SLC35F2: variants seen among roughly 807,000 people sequenced by gnomAD.
SLC35F2 encodes queuine/queuosine transporter SLC35F2.
In SLC35F2, 25 loss-of-function variants were observed where a neutral mutation model predicts 38.1. That is an observed-to-expected ratio of 0.66 (90% CI 0.48 to 0.92). The LOEUF (loss-of-function observed/expected upper bound fraction) is 0.92, where lower values mean the gene tolerates loss of function less well. Ranked by LOEUF, SLC35F2 falls within the 40% of genes least tolerant of loss-of-function variation. SLC35F2 has a pLI of 0.00. For synonymous variants in SLC35F2, 173 were observed against 181.7 expected, an observed-to-expected ratio of 0.95 and a Z score of 0.38; for missense variants, 409 against 452.9, an observed-to-expected ratio of 0.90 and a Z score of 0.88.
chr11:107,849,871 T>A (rs1860150843), intron 1 of SLC35F2, among the ~76,000 whole-genome samples: 1 of 152,146 alleles, frequency 6.6e-6, no homozygotes. Flanking sequence ...GTGGAGGGCA[T>A]GCTGGAGAAA....
chr11:107,847,109 G>A (rs1000390221), intron 1 of SLC35F2, among the ~76,000 whole-genome samples: 12 of 152,206 alleles, frequency 7.9e-5, no homozygotes, highest in African/African-American at 2.6e-4. Flanking sequence ...AGAGTGCAGT[G>A]GAGTGCCTTT....
At chr11:107,834,993 T>C (rs1190478079) in intron 1 of SLC35F2, among the ~76,000 whole-genome samples, 2 of 152,138 alleles carry the variant, frequency 1.3e-5, no homozygotes, top group Non-Finnish European at 2.9e-5. Context: ...TAAACCATCA[T>C]AATATCATCC....
chr11:107,842,288 A>T (rs1860025228), intron 1 of SLC35F2, among the ~76,000 whole-genome samples: 1 of 148,426 alleles, frequency 6.7e-6, no homozygotes, highest in Admixed American at 6.7e-5. Context: ...AAAAAAAATT[A>T]AAGCTTGACT....
chr11:107,810,187 C>A, intron 3 of SLC35F2: 1 of 985,366 alleles, frequency 1.0e-6, no homozygotes, highest in South Asian at 4.7e-5. Context: ...TGTTAGATGC[C>A]TTTTTTATAA....
At position 107,796,021 on chromosome 11, in the gene SLC35F2, C is replaced by T. The variant is rs542306497; in HGVS notation, c.940-3221G>A. Among the ~76,000 whole-genome samples the T allele has an allele frequency of 1.6e-3, 238 of 152,140 alleles. 4 individuals carry two copies. The South Asian group carries it at 0.033, about 21-fold the overall frequency. On this transcript the variant is annotated intron_variant, in intron 7 of 7. Coordinates refer to ENST00000525815, the MANE Select transcript of SLC35F2 (RefSeq NM_017515.5). ...TGGTGGTGGCACCTATCCAGCTACT[C>T]GGGAGGCTGAGGCAGGAGAATCACT...
At chr11:107,831,596 CT>C (rs2134825547) in intron 1 of SLC35F2, among the ~76,000 whole-genome samples, 1 of 152,298 alleles carries the variant, frequency 6.6e-6, no homozygotes, top group African/African-American at 2.4e-5. Flanking sequence ...CATGTAATTT[CT>C]TTGCCCTTGT....
At chr11:107,832,889 A>C (rs2134827335) in intron 1 of SLC35F2, among the ~76,000 whole-genome samples, 1 of 151,906 alleles carries the variant, frequency 6.6e-6, no homozygotes, top group East Asian at 1.9e-4. Context: ...CTTCCCCTCA[A>C]CTCCTCATGT....
chr11:107,810,944 CTTT>C (rs200185982), intron 3 of SLC35F2: 82 of 971,944 alleles, frequency 8.4e-5, no homozygotes, highest in Non-Finnish European at 9.8e-5. Flanking sequence ...CTGATACACA[CTTT>C]TTTTTATTAT....
chr11:107,794,014 GTA>G (rs1859176190), intron 7 of SLC35F2, among the ~76,000 whole-genome samples: 1 of 151,222 alleles, frequency 6.6e-6, no homozygotes, highest in African/African-American at 2.4e-5. Flanking sequence ...TAAGAATTTT[GTA>G]TATTTCCTCT....
At chr11:107,829,204 A>C (rs1859798687) in intron 1 of SLC35F2, among the ~76,000 whole-genome samples, 1 of 151,400 alleles carries the variant, frequency 6.6e-6, no homozygotes, top group African/African-American at 2.4e-5. Flanking sequence ...CAATCACCTG[A>C]GGTCAGGAGT....
At chr11:107,798,850 C>T (rs1259516946) in intron 7 of SLC35F2, among the ~76,000 whole-genome samples, 1 of 152,158 alleles carries the variant, frequency 6.6e-6, no homozygotes, top group South Asian at 2.1e-4. Context: ...CAGAGGCAAG[C>T]GGATCACCTG....
chr11:107,825,327 G>T (rs1859736694), intron 1 of SLC35F2, among the ~76,000 whole-genome samples: 1 of 149,804 alleles, frequency 6.7e-6, no homozygotes, highest in Admixed American at 6.7e-5. Context: ...GATTCAGTAG[G>T]TTTGGAGAGA....
intron 7 of SLC35F2, among the ~76,000 whole-genome samples, chr11:107,801,491 TTAA>T (rs898339135): frequency 2.3e-4 from 35 of 152,082 alleles, no homozygotes; most frequent in Admixed American, 9.2e-4. Flanking sequence ...TCTTAATGAG[TTAA>T]TAAGTATTTT....
At chr11:107,824,539 C>A (rs748563749) in intron 1 of SLC35F2, among the ~76,000 whole-genome samples, 1 of 152,180 alleles carries the variant, frequency 6.6e-6, no homozygotes, top group African/African-American at 2.4e-5. Context: ...GTAGAGAGTG[C>A]AATTTGGATG....
chr11:107,843,720 A>G (rs1227815249), intron 1 of SLC35F2, among the ~76,000 whole-genome samples: 2 of 150,804 alleles, frequency 1.3e-5, no homozygotes, highest in African/African-American at 2.4e-5. Flanking sequence ...AGGTCTAGAG[A>G]TGCACCCCTG....
chr11:107,821,452 G>A (rs576664083), intron 1 of SLC35F2: 1 of 985,394 alleles, frequency 1.0e-6, no homozygotes, highest in Admixed American at 6.1e-5. Flanking sequence ...AAGAGTGAGA[G>A]AGAAAAGCTG....
intron 1 of SLC35F2, among the ~76,000 whole-genome samples, chr11:107,834,428 A>G (rs1161868374): frequency 6.6e-6 from 1 of 152,152 alleles, no homozygotes; most frequent in East Asian, 1.9e-4. Flanking sequence ...AGGTGGGTGG[A>G]TCACTTGAGG....
At chr11:107,852,384 T>C (rs369171263) in intron 1 of SLC35F2, among the ~76,000 whole-genome samples, 1 of 151,996 alleles carries the variant, frequency 6.6e-6, no homozygotes, top group Non-Finnish European at 1.5e-5. Flanking sequence ...ACCCCGTCTC[T>C]ACTAAAAATA....
At chr11:107,816,287 A>G (rs1859573221) in intron 1 of SLC35F2, 1 of 967,070 alleles carries the variant, frequency 1.0e-6, no homozygotes, top group South Asian at 4.7e-5. Context: ...TGTGTGTATG[A>G]CTTTTTTTTT....
Sources: gnomAD v4.1 joint callset for allele counts (sites outside exome capture counted in the v4.1 genomes callset) on GRCh38, gnomAD v4.1.1 for gene constraint, MANE v1.5 for transcripts, NCBI Gene and HGNC (gene_info 2026-07-23, HGNC 2026-07-21) for gene names.